SMARCC1: variants seen among roughly 807,000 people sequenced by gnomAD.
The protein encoded by SMARCC1 is SWI/SNF complex subunit SMARCC1.
Under a neutral mutation model 147.4 loss-of-function variants are expected in SMARCC1, and 43 were observed. The ratio of observed to expected loss-of-function variants is 0.29; its 90% confidence interval spans 0.23 to 0.38. The LOEUF (loss-of-function observed/expected upper bound fraction) is 0.38. Among genes scored for constraint, SMARCC1 ranks in the 10% least tolerant of loss-of-function variants. SMARCC1 has a pLI of 1.00. For synonymous variants in SMARCC1, 495 were observed against 484.4 expected, an observed-to-expected ratio of 1.02 and a Z score of -0.29; for missense variants, 1,119 against 1,381.1, an observed-to-expected ratio of 0.81 and a Z score of 3.01.
chr3:47,588,058 T>G lies in SMARCC1; in HGVS notation c.*151A>C. 3 of 608,600 alleles carry G rather than the reference T, an allele frequency of 4.9e-6. No individual in the cohort carries two copies. The highest frequency in any genetic ancestry group is 5.8e-5 in the East Asian group (2 of 34,480). 37.7% of individuals were successfully genotyped at this position (608,600 alleles called of 1,614,324 possible). ...ACACAAAAAGTGTCAGAGAGAGGGG[T>G]GGTAAGAGGAGTGGGGAGGCACGGG... On this transcript the variant is annotated 3_prime_UTR_variant, in exon 28 of 28. Transcript: ENST00000254480.
At chr3:47,634,161 T>A (rs953276252) in intron 24 of SMARCC1, among the ~76,000 whole-genome samples, 2 of 152,210 alleles carry the variant, frequency 1.3e-5, no homozygotes, top group African/African-American at 4.8e-5. Context: ...TAGGAAGTAT[T>A]ACCTAGTTTT....
At chr3:47,730,725 G>C (rs945619915) in intron 5 of SMARCC1, among the ~76,000 whole-genome samples, 1 of 151,954 alleles carries the variant, frequency 6.6e-6, no homozygotes, top group African/African-American at 2.4e-5. Flanking sequence ...AATTAGCCAA[G>C]TGTGGTGGCA....
chr3:47,730,214 G>A (rs2034353745), intron 5 of SMARCC1, among the ~76,000 whole-genome samples: 1 of 152,146 alleles, frequency 6.6e-6, no homozygotes, highest in Non-Finnish European at 1.5e-5. Flanking sequence ...TAGGCCAGGT[G>A]CAGCTGCTCA....
intron 12 of SMARCC1, among the ~76,000 whole-genome samples, chr3:47,689,989 T>A (rs1447826843): frequency 6.6e-6 from 1 of 152,218 alleles, no homozygotes; most frequent in Admixed American, 6.5e-5. Context: ...TACATTATTA[T>A]ATGCCTGTAA....
chr3:47,697,807 A>G (rs564591682), intron 11 of SMARCC1, among the ~76,000 whole-genome samples: 12 of 151,266 alleles, frequency 7.9e-5, no homozygotes, highest in African/African-American at 2.9e-4. Flanking sequence ...GGAGATCGAG[A>G]CCATCCTGGC....
At chr3:47,750,172 A>G (rs1442282883) in intron 2 of SMARCC1, among the ~76,000 whole-genome samples, 1 of 152,044 alleles carries the variant, frequency 6.6e-6, no homozygotes, top group Non-Finnish European at 1.5e-5. Context: ...GCGGTGGCTC[A>G]CGCCAATAAT....
chr3:47,778,067 C>T (rs1032598670), intron 1 of SMARCC1, among the ~76,000 whole-genome samples: 1 of 150,774 alleles, frequency 6.6e-6, no homozygotes, highest in African/African-American at 2.4e-5. Context: ...ATTAGCAGAG[C>T]GTGGTGGCGG....
chr3:47,684,377 T>C (rs1035130140), intron 14 of SMARCC1, among the ~76,000 whole-genome samples: 4 of 152,282 alleles, frequency 2.6e-5, no homozygotes, highest in Non-Finnish European at 5.9e-5. Context: ...CCAGGATTTA[T>C]ATTTTAAAAG....
chr3:47,711,655 A>C (rs557299189), intron 8 of SMARCC1, among the ~76,000 whole-genome samples: 40 of 152,340 alleles, frequency 2.6e-4, no homozygotes, highest in Non-Finnish European at 4.4e-4. Context: ...AAACAATATG[A>C]ACTTCCTAGT....
chr3:47,635,093 A>G, intron 24 of SMARCC1, 97 bp downstream of exon 24: 1 of 1,064,382 alleles, frequency 9.4e-7, no homozygotes, highest in South Asian at 1.5e-5. Context: ...TCCTATTGGG[A>G]GCAAAGCTCT....
chr3:47,683,145 C>A (rs971981114), intron 14 of SMARCC1, among the ~76,000 whole-genome samples: 13 of 152,196 alleles, frequency 8.5e-5, no homozygotes, highest in Admixed American at 3.3e-4. Context: ...CGGGTTCACG[C>A]CATTCTCCTG....
chr3:47,666,676 G>A (rs938396226), intron 19 of SMARCC1, among the ~76,000 whole-genome samples: 1 of 151,346 alleles, frequency 6.6e-6, no homozygotes, highest in Non-Finnish European at 1.5e-5. Context: ...GGATGGCGCT[G>A]AATGTGGCCC....
At chr3:47,691,308 T>C (rs777115821) in intron 12 of SMARCC1, among the ~76,000 whole-genome samples, 1 of 152,162 alleles carries the variant, frequency 6.6e-6, no homozygotes, top group Non-Finnish European at 1.5e-5. Flanking sequence ...AGGCAGAATA[T>C]AGAGCAGTTA....
chr3:47,704,946 T>C (rs1358651308), intron 10 of SMARCC1, among the ~76,000 whole-genome samples: 9 of 78,522 alleles, frequency 1.1e-4, no homozygotes, highest in Non-Finnish European at 2.3e-4. Context: ...TAAATATATA[T>C]AAAAAGAATG....
In SMARCC1 at chr3:47,693,285, T is replaced by C; in HGVS notation, c.1181A>G (p.Asp394Gly). The C allele has an allele frequency of 6.3e-7, 1 of 1,588,254 alleles. No homozygotes were observed. The highest frequency in any genetic ancestry group is 2.2e-5 in the East Asian group (1 of 44,758). The change falls in exon 12 of 28, where the codon GAT (aspartate) becomes GGT (glycine). Residue 394 changes from aspartate to glycine, a missense_variant. Around this residue, in one of 6 missense-constraint regions of SMARCC1, gnomAD observed 542 missense variants for 611.8 expected, o/e 0.89. Coordinates refer to ENST00000254480, the MANE Select transcript of SMARCC1 (RefSeq NM_003074.4). The stretch of plus-strand genomic sequence containing the variant: ...TCCTTTAACAGGTGTATTTTCACTA[T>C]CTTTCTTTAGGTTCACTAGAAAAAG... Reference protein sequence around the residue: ...VLPKNVNLKKDSENTPVKGGT... With the variant: ...VLPKNVNLKKGSENTPVKGGT...
chr3:47,693,162 T>C, intron 12 of SMARCC1, 79 bp downstream of exon 12: 1 of 881,178 alleles, frequency 1.1e-6, no homozygotes, highest in Non-Finnish European at 1.9e-6. Context: ...GAACAAGACC[T>C]TGGAAGAATA....
chr3:47,661,467 A>G lies in SMARCC1; in HGVS notation c.2159-12T>C. 1.3e-6 allele frequency: 2 copies of G among 1,590,742 alleles called. No individual in the cohort carries two copies. The highest frequency in any genetic ancestry group is 1.7e-6 in the Non-Finnish European group (2 of 1,172,884). On this transcript the variant is annotated splice_polypyrimidine_tract_variant and intron_variant, in intron 20 of 27. Transcript: ENST00000254480. ...CCGAGAAAACTCCTCTGGTTCAAGA[A>G]TAAAAATGGAACAGCAATCTAACTT...
intron 7 of SMARCC1, among the ~76,000 whole-genome samples, chr3:47,719,209 C>T (rs764256376): frequency 1.3e-5 from 2 of 152,082 alleles, no homozygotes; most frequent in South Asian, 2.1e-4. Flanking sequence ...CCACCACGCC[C>T]GGCCCCACTA....
chr3:47,737,171 C>A (rs114259401), intron 4 of SMARCC1, among the ~76,000 whole-genome samples: 1 of 152,094 alleles, frequency 6.6e-6, no homozygotes, highest in Non-Finnish European at 1.5e-5. Context: ...GCAAGCAAAT[C>A]GCTTGAATTC....
Sources: allele counts gnomAD v4.1 joint callset (sites outside exome capture counted in the v4.1 genomes callset), GRCh38; gene constraint gnomAD v4.1.1; regional missense constraint gnomAD v4.1.1; transcripts MANE v1.5; gene names NCBI Gene and HGNC (gene_info 2026-07-23, HGNC 2026-07-21).